CSMD1: variants seen among roughly 807,000 people sequenced by gnomAD.
CSMD1 encodes the protein CUB and sushi domain-containing protein 1.
Under a neutral mutation model 417.5 loss-of-function variants are expected in CSMD1, and 213 were observed. The observed-to-expected ratio is 0.51, with a 90% CI of 0.46 to 0.57. The LOEUF is 0.57. Ranked by LOEUF, CSMD1 falls within the 20% of genes least tolerant of loss-of-function variation. The probability of loss-of-function intolerance (pLI) is 0.00; values close to 1 mark genes in which losing one functional copy is unlikely to be tolerated. For synonymous variants in CSMD1, 2,862 were observed against 1,736.8 expected (o/e 1.65, Z -16.11); for missense variants, 6,923 against 4,529.7 (o/e 1.53, Z -15.17).
At chr8:4,709,910 G>T (rs151003822) in intron 1 of CSMD1, among the ~76,000 whole-genome samples, 1 of 152,112 alleles carries the variant, frequency 6.6e-6, no homozygotes, top group Non-Finnish European at 1.5e-5. Context: ...ATGGCCCAAG[G>T]ATTGAAAAAC....
chr8:2,944,931 C>T (rs867706312), intron 68 of CSMD1, among the ~76,000 whole-genome samples: 3 of 152,120 alleles, frequency 2.0e-5, no homozygotes, highest in East Asian at 1.9e-4. Context: ...GGAAAATCTA[C>T]GTGTCACAAG....
chr8:4,855,639 C>A (rs540398831), intron 1 of CSMD1, among the ~76,000 whole-genome samples: 1 of 152,090 alleles, frequency 6.6e-6, no homozygotes, highest in African/African-American at 2.4e-5. Context: ...GGAGCCAATG[C>A]AATCAACTGG....
chr8:4,307,254 C>A (rs1408782709), intron 3 of CSMD1, among the ~76,000 whole-genome samples: 1 of 152,076 alleles, frequency 6.6e-6, no homozygotes. Context: ...ATATGCTAAT[C>A]ATGCACAGAG....
chr8:3,511,829 TA>T (rs1378834432), intron 10 of CSMD1, among the ~76,000 whole-genome samples: 11 of 145,854 alleles, frequency 7.5e-5, no homozygotes, highest in Non-Finnish European at 1.4e-4. Flanking sequence ...TAACAATAAA[TA>T]AAATAAAATA....
chr8:4,253,941 G>C (rs7008258), intron 3 of CSMD1, among the ~76,000 whole-genome samples: 17 of 126,146 alleles, frequency 1.3e-4, no homozygotes, highest in Admixed American at 2.7e-4. Context: ...TTTTGAGATG[G>C]AGTCTTGCTC....
intron 37 of CSMD1, among the ~76,000 whole-genome samples, chr8:3,169,004 A>T (rs1337526338): frequency 6.6e-6 from 1 of 152,170 alleles, no homozygotes; most frequent in African/African-American, 2.4e-5. Context: ...AACTCTCATC[A>T]AGTTTATTTA....
At chr8:4,785,182 G>T (rs1200511662) in intron 1 of CSMD1, among the ~76,000 whole-genome samples, 1 of 152,166 alleles carries the variant, frequency 6.6e-6, no homozygotes, top group Non-Finnish European at 1.5e-5. Context: ...ATGACTCCTA[G>T]CCTGATCTAT....
At chr8:3,453,165 C>A (rs942501434) in intron 12 of CSMD1, among the ~76,000 whole-genome samples, 1 of 151,954 alleles carries the variant, frequency 6.6e-6, no homozygotes, top group African/African-American at 2.4e-5. Context: ...GTGGTGATAT[C>A]CCCTTCATTT....
chr8:3,542,194 T>C (rs1798468895), intron 10 of CSMD1, among the ~76,000 whole-genome samples: 1 of 152,182 alleles, frequency 6.6e-6, no homozygotes, highest in African/African-American at 2.4e-5. Context: ...TTGCTTGACC[T>C]TAATATTGAT....
chr8:3,443,747 C>G (rs934133353), intron 12 of CSMD1, among the ~76,000 whole-genome samples: 4 of 152,152 alleles, frequency 2.6e-5, no homozygotes, highest in Admixed American at 6.5e-5. Flanking sequence ...CAATGGACAG[C>G]TTTAAAGGAC....
intron 1 of CSMD1, among the ~76,000 whole-genome samples, chr8:4,754,522 G>T (rs975419423): frequency 6.6e-6 from 1 of 151,182 alleles, no homozygotes; most frequent in African/African-American, 2.4e-5. Context: ...CCCAAAATTA[G>T]CGTCTATGTA....
intron 5 of CSMD1, among the ~76,000 whole-genome samples, chr8:3,960,192 T>C (rs920407009): frequency 3.9e-5 from 6 of 152,222 alleles, no homozygotes; most frequent in Non-Finnish European, 7.3e-5. Context: ...CTTGTGAATT[T>C]TTCTTTCAAT....
chr8:4,014,314 ACATT>A (rs1796416897), intron 4 of CSMD1, among the ~76,000 whole-genome samples: 1 of 152,308 alleles, frequency 6.6e-6, no homozygotes, highest in East Asian at 1.9e-4. Context: ...AACATGGGAA[ACATT>A]CATCACATTC....
At chr8:4,135,878 A>G (rs1297266968) in intron 3 of CSMD1, among the ~76,000 whole-genome samples, 1 of 152,190 alleles carries the variant, frequency 6.6e-6, no homozygotes, top group Non-Finnish European at 1.5e-5. Context: ...AAATGTTCTG[A>G]TAAATTGCAA....
chr8:3,029,256 C>G, intron 51 of CSMD1, 63 bp downstream of exon 51: 1 of 1,391,392 alleles, frequency 7.2e-7, no homozygotes. Flanking sequence ...TCACCACTGA[C>G]ATAAGCCATC....
In CSMD1 at chr8:3,550,306, AC is replaced by A. The variant is rs1184011856; in HGVS notation, c.1344+24638del. 4.0e-5 allele frequency among the ~76,000 whole-genome samples: 6 copies of A among 151,794 alleles called. No homozygotes were observed. The East Asian group carries it at 1.2e-3, about 29-fold the overall frequency. On this transcript the variant is annotated intron_variant, in intron 10 of 69. Transcript: ENST00000635120. ...TCTCCTGTTTTCTCCAATAATTCCCACCTTTTTGGCATTTCTTGGACACAGC... is the reference window on the plus strand; with the variant it reads ...TCTCCTGTTTTCTCCAATAATTCCCACTTTTTGGCATTTCTTGGACACAGC...
chr8:4,032,036 C>T lies in CSMD1; in HGVS notation c.479G>A (p.Arg160Lys), dbSNP rs866901808. Residue 160 changes from arginine to lysine, a missense_variant, in exon 4 of 70, where the codon AGA becomes AAA. By Grantham distance (26) the Arg-to-Lys change is conservative (BLOSUM62 2). Coordinates refer to ENST00000635120, the MANE Select transcript of CSMD1 (RefSeq NM_033225.6). ...CCGGATTTTGTCTCCTATGTTGAAT[C>T]TCGTTCCATGCAGAACTCCTTTCAG... ...EILKGVLHGT[R>K]FNIGDKIRYS... The T allele has an allele frequency of 5.6e-6, 9 of 1,613,850 alleles. No homozygotes were observed. The Admixed American group carries it at 8.3e-5, about 15-fold the overall frequency.
intron 3 of CSMD1, among the ~76,000 whole-genome samples, chr8:4,089,974 G>A (rs536778667): frequency 3.9e-5 from 6 of 152,272 alleles, no homozygotes; most frequent in Admixed American, 3.3e-4. Flanking sequence ...CAGATAGAAT[G>A]CCGCTATAAT....
rs1803572382 is a variant in CSMD1 at position 2,962,451 on chromosome 8, T to C, written c.9628+15A>G. The C allele has an allele frequency of 6.2e-7, 1 of 1,609,542 alleles. No homozygotes were observed. Among genetic ancestry groups the C allele is most frequent in the Admixed American group, 1.7e-5 (1 of 59,856 alleles). ...ATACTCCCAGGTATCCCCAGAGCTG[T>C]ATGATAATTATTACCAATGCAGGTG... On this transcript the variant is annotated intron_variant, in intron 61 of 69. Transcript: ENST00000635120.
Sources: allele counts gnomAD v4.1 joint callset (sites outside exome capture counted in the v4.1 genomes callset), GRCh38; gene constraint gnomAD v4.1.1; transcripts MANE v1.5; gene names NCBI Gene and HGNC (gene_info 2026-07-23, HGNC 2026-07-21).